PHKA1: variants seen among roughly 807,000 people sequenced by gnomAD.
PHKA1 encodes the protein phosphorylase b kinase regulatory subunit alpha, skeletal muscle isoform.
Under a neutral mutation model 110.2 loss-of-function variants are expected in PHKA1, and 60 were observed. The ratio of observed to expected loss-of-function variants is 0.54; its 90% CI spans 0.44 to 0.68. PHKA1 has a LOEUF of 0.68. Ranked by LOEUF, PHKA1 falls within the 30% of genes least tolerant of loss-of-function variation. The pLI is 0.00. For missense variants in PHKA1, 801 were observed against 942.5 expected, an observed-to-expected ratio of 0.85 and a Z score of 1.97; for synonymous variants, 316 against 333.6, an observed-to-expected ratio of 0.95 and a Z score of 0.58.
chrX:72,669,054 T>C (rs2147783370), intron 6 of PHKA1, among the ~76,000 whole-genome samples: 1 of 112,084 alleles, frequency 8.9e-6, no homozygotes, highest in Admixed American at 9.4e-5. Context: ...TGCGCGCAGG[T>C]TGGGATTGGG....
At chrX:72,607,691 G>C (rs1556253931) in intron 23 of PHKA1, among the ~76,000 whole-genome samples, 1 of 111,618 alleles carries the variant, frequency 9.0e-6, no homozygotes, top group Admixed American at 9.5e-5. Context: ...TGCTTTAAAT[G>C]CTGAATGACT....
intron 6 of PHKA1, among the ~76,000 whole-genome samples, chrX:72,667,877 G>T (rs2053633178): frequency 9.0e-6 from 1 of 111,602 alleles, no homozygotes; most frequent in Admixed American, 9.5e-5. Flanking sequence ...TGAAAACACA[G>T]TAAAGTACAG....
rs1556306381 is a variant in PHKA1, at chrX:72,666,282, G to A, written c.733C>T (p.Leu245=). The A allele has an allele frequency of 8.3e-7, 1 of 1,208,991 alleles. No individual in the cohort carries two copies. Among genetic ancestry groups the A allele is most frequent in the Non-Finnish European group, 1.1e-6 (1 of 892,985 alleles). ...VQHCQSILNS[L]LPRASTSKEV... is the part of the protein sequence containing the mutation. ...TTTGATGTTGAAGCACGGGGCAGTA[G>A]TGAATTTAGGATAGACTAAGAGAAA... The change falls in exon 8 of 32, where the codon CTA becomes TTA. Residue 245 remains leucine, a synonymous_variant. Coordinates refer to ENST00000373542, the MANE Select transcript of PHKA1 (RefSeq NM_002637.4).
At chrX:72,628,982 T>C (rs1556285114) in intron 16 of PHKA1, among the ~76,000 whole-genome samples, 1 of 111,841 alleles carries the variant, frequency 8.9e-6, no homozygotes. Context: ...GTAGCAAGCC[T>C]AAATGAATTA....
At chrX:72,671,315 A>C (rs1346852303) in intron 6 of PHKA1, among the ~76,000 whole-genome samples, 1 of 111,203 alleles carries the variant, frequency 9.0e-6, no homozygotes, top group Non-Finnish European at 1.9e-5. Context: ...GAGCCAAATC[A>C]TGAGTGAACT....
intron 2 of PHKA1, chrX:72,712,309 A>G (rs781896251): frequency 6.3e-4 from 81 of 128,359 alleles, no homozygotes; most frequent in Admixed American, 1.2e-3. Context: ...GGCCACAGCT[A>G]TAAAAATCAA....
At chrX:72,585,228 A>G (rs1321530950) in intron 29 of PHKA1, among the ~76,000 whole-genome samples, 3 of 111,041 alleles carry the variant, frequency 2.7e-5, no homozygotes, top group Non-Finnish European at 5.7e-5. Context: ...AACATATAAA[A>G]AGTATAAACT....
chrX:72,593,010 T>C, intron 29 of PHKA1, 94 bp downstream of exon 29: 1 of 585,284 alleles, frequency 1.7e-6, no homozygotes, highest in Non-Finnish European at 3.0e-6. Context: ...TTTTACATAA[T>C]TGCAGTGATT....
At chrX:72,625,719 G>A (rs1409452951) in intron 17 of PHKA1, among the ~76,000 whole-genome samples, 9 of 112,001 alleles carry the variant, frequency 8.0e-5, no homozygotes, top group African/African-American at 2.9e-4. Context: ...AGGCTGGAGT[G>A]CAGTGGCACA....
intron 29 of PHKA1, among the ~76,000 whole-genome samples, chrX:72,587,937 T>A (rs782158391): frequency 1.8e-5 from 2 of 111,518 alleles, no homozygotes; most frequent in African/African-American, 3.3e-5. Context: ...ATAAAGCAAG[T>A]CCTTAGAGAC....
intron 23 of PHKA1, among the ~76,000 whole-genome samples, chrX:72,607,320 A>T (rs2052743408): frequency 9.0e-6 from 1 of 111,710 alleles, no homozygotes; most frequent in East Asian, 2.8e-4. Flanking sequence ...TAGTAGTTGT[A>T]CTAATTACAT....
At chrX:72,689,665 A>G (rs1277550432) in intron 4 of PHKA1, among the ~76,000 whole-genome samples, 5 of 112,411 alleles carry the variant, frequency 4.4e-5, no homozygotes, top group African/African-American at 1.6e-4. Flanking sequence ...TAATGCTGCT[A>G]TAAACATTAA....
chrX:72,596,126 G>A, intron 28 of PHKA1, among the ~76,000 whole-genome samples: 1 of 111,679 alleles, frequency 9.0e-6, no homozygotes, highest in Non-Finnish European at 1.9e-5. Flanking sequence ...AAAAACGAAG[G>A]AAATTTTGCA....
intron 2 of PHKA1, among the ~76,000 whole-genome samples, chrX:72,708,299 G>A (rs994253474): frequency 9.0e-6 from 1 of 111,600 alleles, no homozygotes; most frequent in Non-Finnish European, 1.9e-5. Flanking sequence ...TTATGGGGAA[G>A]TGTGTTGTAC....
chrX:72,642,334 C>A (rs1326451938), intron 14 of PHKA1, among the ~76,000 whole-genome samples: 2 of 111,415 alleles, frequency 1.8e-5, no homozygotes, highest in African/African-American at 6.5e-5. Flanking sequence ...TGCAATGAGG[C>A]AATGGGTAAA....
At chrX:72,609,889 C>T (rs1157035802) in intron 22 of PHKA1, among the ~76,000 whole-genome samples, 186 bp from the exon 23 acceptor site, 10 of 111,651 alleles carry the variant, frequency 9.0e-5, no homozygotes, top group African/African-American at 3.3e-4. Context: ...GTCTTTTCAT[C>T]TATCTCCTAG....
intron 16 of PHKA1, among the ~76,000 whole-genome samples, chrX:72,633,434 C>G (rs782046233): frequency 1.6e-4 from 18 of 111,717 alleles, no homozygotes; most frequent in African/African-American, 6.5e-5. Flanking sequence ...GACACCAAAC[C>G]TGTCAGCACC....
At chrX:72,600,164 T>C (rs2052640687) in intron 28 of PHKA1, among the ~76,000 whole-genome samples, 1 of 110,740 alleles carries the variant, frequency 9.0e-6, no homozygotes, top group African/African-American at 3.3e-5. Context: ...AGGATGGAAG[T>C]TAATATTTAG....
chrX:72,622,279 G>C (rs2052990367), intron 18 of PHKA1: 1 of 752,301 alleles, frequency 1.3e-6, no homozygotes, highest in African/African-American at 2.3e-5. Context: ...TGACCTCACT[G>C]AGGGCAGCAA....
Sources: allele counts gnomAD v4.1 joint callset (sites outside exome capture counted in the v4.1 genomes callset), GRCh38; gene constraint gnomAD v4.1.1; transcripts MANE v1.5; gene names NCBI Gene and HGNC (gene_info 2026-07-23, HGNC 2026-07-21).